The following CNBD1 variants were observed in gnomAD, a reference collection of about 807,000 sequenced individuals.
CNBD1 encodes the protein cyclic nucleotide binding domain containing 1.
Under a neutral mutation model 54.4 loss-of-function variants are expected in CNBD1, and 71 were observed. The observed-to-expected ratio is 1.30, with a 90% CI of 1.08 to 1.59. The LOEUF (loss-of-function observed/expected upper bound fraction) is 1.59. CNBD1 is among the 40% of genes most tolerant of loss of function. The pLI is 0.00. For synonymous variants in CNBD1, 182 were observed against 170.7 expected (o/e 1.07, Z -0.51); for missense variants, 659 against 518.0 (o/e 1.27, Z -2.64).
chr8:87,237,739 G>A (rs1044271664), intron 6 of CNBD1, among the ~76,000 whole-genome samples: 9 of 152,050 alleles, frequency 5.9e-5, no homozygotes, highest in Admixed American at 2.0e-4. Context: ...GTTCAGAGTA[G>A]AAAAGAGTCA....
rs143901253 is a variant in CNBD1, at chr8:87,353,220, ATTTT to A, written c.1153-415_1153-412del. Among the ~76,000 whole-genome samples the A allele has an allele frequency of 4.7e-3, 719 of 152,240 alleles. 7 individuals carry two copies. Among genetic ancestry groups the A allele is most frequent in the Non-Finnish European group, 8.9e-3 (603 of 67,996 alleles). On this transcript the variant is annotated intron_variant, in intron 9 of 10. Coordinates refer to ENST00000518476, the MANE Select transcript of CNBD1 (RefSeq NM_173538.3). ...TAATACCATCGGTTCTGGCCCTGGC[ATTTT>A]CTGCTTATTTTCCTTCTTCCCTGTG...
At chr8:87,324,217 G>A (rs1809611766) in intron 8 of CNBD1, among the ~76,000 whole-genome samples, 1 of 129,212 alleles carries the variant, frequency 7.7e-6, no homozygotes, top group Non-Finnish European at 1.7e-5. Context: ...GTATTTTATT[G>A]AGGATTTTTG....
At chr8:87,336,501 G>A (rs916299511) in intron 8 of CNBD1, among the ~76,000 whole-genome samples, 12 of 151,818 alleles carry the variant, frequency 7.9e-5, no homozygotes, top group Non-Finnish European at 1.0e-4. Context: ...ATTGATCCTT[G>A]TGTATGCTTC....
intron 10 of CNBD1, among the ~76,000 whole-genome samples, chr8:87,374,712 A>T (rs112667966): frequency 1.3e-5 from 2 of 151,818 alleles, no homozygotes; most frequent in African/African-American, 4.8e-5. Flanking sequence ...TTTTTCCATG[A>T]TCTCACTCAC....
chr8:87,362,653 TG>T (rs1163078936), intron 10 of CNBD1, among the ~76,000 whole-genome samples: 1 of 152,058 alleles, frequency 6.6e-6, no homozygotes, highest in Non-Finnish European at 1.5e-5. Flanking sequence ...TGGCAAGTCA[TG>T]GACTGCAGTT....
chr8:87,376,644 T>C (rs1240288306), intron 10 of CNBD1, among the ~76,000 whole-genome samples: 1 of 151,982 alleles, frequency 6.6e-6, no homozygotes, highest in African/African-American at 2.4e-5. Context: ...AAATCTTTAA[T>C]AGCTAAAGCA....
chr8:86,933,958 G>A (rs960220730), intron 3 of CNBD1, among the ~76,000 whole-genome samples: 2 of 152,198 alleles, frequency 1.3e-5, no homozygotes, highest in South Asian at 4.1e-4. Context: ...CAAAATGCAT[G>A]AACAGATTCA....
chr8:87,318,478 C>T (rs1056358225), intron 8 of CNBD1, among the ~76,000 whole-genome samples: 3 of 151,982 alleles, frequency 2.0e-5, no homozygotes, highest in Admixed American at 6.6e-5. Context: ...ATACTCTGTC[C>T]AATACACCAT....
chr8:86,879,095 T>C (rs933309384), intron 1 of CNBD1, among the ~76,000 whole-genome samples: 1 of 152,222 alleles, frequency 6.6e-6, no homozygotes, highest in African/African-American at 2.4e-5. Context: ...AATAACATTT[T>C]TACTTCCACT....
intron 10 of CNBD1, among the ~76,000 whole-genome samples, chr8:87,365,842 C>A (rs778351690): frequency 6.6e-6 from 1 of 152,046 alleles, no homozygotes; most frequent in African/African-American, 2.4e-5. Flanking sequence ...TTACAACTCA[C>A]AGGAAGCATT....
rs35207633 is a variant in CNBD1, at chr8:86,886,076, T to G, written c.89-1466T>G. 4.4e-3 allele frequency among the ~76,000 whole-genome samples: 666 copies of G among 152,272 alleles called. 3 individuals are homozygous for G. The highest frequency in any genetic ancestry group is 0.025 in the East Asian group (130 of 5,178). On this transcript the variant is annotated intron_variant, in intron 1 of 10. Transcript: ENST00000518476. Reference sequence around the variant, plus strand: ...GTCAGAATTCCTTAAACCTTGACCTTTTTCCAAATCTCTGTGGCACCATCT... The same window carrying G: ...GTCAGAATTCCTTAAACCTTGACCTGTTTCCAAATCTCTGTGGCACCATCT...
intron 4 of CNBD1, among the ~76,000 whole-genome samples, chr8:87,077,943 T>A (rs929242174): frequency 6.6e-6 from 1 of 152,126 alleles, no homozygotes; most frequent in Non-Finnish European, 1.5e-5. Context: ...ACTAATGGGA[T>A]CACTGGGTCA....
intron 4 of CNBD1, among the ~76,000 whole-genome samples, chr8:87,066,311 A>G (rs376743556): frequency 1.3e-4 from 20 of 151,966 alleles, no homozygotes; most frequent in African/African-American, 4.8e-4. Context: ...TGAAATCAGA[A>G]TAAGAATTAT....
chr8:86,978,318 A>C (rs1342925119), intron 4 of CNBD1, among the ~76,000 whole-genome samples: 1 of 152,122 alleles, frequency 6.6e-6, no homozygotes, highest in Non-Finnish European at 1.5e-5. Context: ...AGAAAACAAC[A>C]ACAATATTAT....
chr8:87,383,916 T>A (rs898550786), downstream of CNBD1, among the ~76,000 whole-genome samples: 8 of 152,164 alleles, frequency 5.3e-5, no homozygotes, highest in Non-Finnish European at 1.0e-4. Flanking sequence ...ATTTATAAGA[T>A]GTCAGTGATT....
At position 87,328,134 on chromosome 8, in the gene CNBD1, C is replaced by T. The variant is rs191616053; in HGVS notation, c.1043-23551C>T. Among the ~76,000 whole-genome samples, 393 of 152,102 alleles carry T rather than the reference C, an allele frequency of 2.6e-3. 2 individuals carry two copies. Among genetic ancestry groups the T allele is most frequent in the African/African-American group, 8.9e-3 (368 of 41,494 alleles). On this transcript the variant is annotated intron_variant, in intron 8 of 10. Coordinates refer to ENST00000518476, the MANE Select transcript of CNBD1 (RefSeq NM_173538.3). ...TGTTTGTCCTGATGCTCTCCTTCCC[C>T]GTGCCCCCAATCCCCCAACAGGCCC...
chr8:87,191,692 G>C (rs576838706), intron 4 of CNBD1, among the ~76,000 whole-genome samples: 5 of 152,262 alleles, frequency 3.3e-5, no homozygotes, highest in Non-Finnish European at 7.4e-5. Context: ...CTTAGTCATT[G>C]CTGTATGTGC....
chr8:87,117,313 TGC>T (rs1207155489), intron 4 of CNBD1, among the ~76,000 whole-genome samples: 1 of 150,224 alleles, frequency 6.7e-6, no homozygotes, highest in East Asian at 2.0e-4. Flanking sequence ...GGACGAGAAT[TGC>T]TTAAACCCAG....
chr8:86,970,463 A>AT (rs1746706024), intron 4 of CNBD1, among the ~76,000 whole-genome samples: 4 of 151,364 alleles, frequency 2.6e-5, no homozygotes, highest in Admixed American at 2.6e-4. Context: ...CTTTTTTTCA[A>AT]TTTTTATTTT....
Sources: allele counts gnomAD v4.1 joint callset (sites outside exome capture counted in the v4.1 genomes callset), GRCh38; gene constraint gnomAD v4.1.1; transcripts MANE v1.5; gene names NCBI Gene and HGNC (gene_info 2026-07-23, HGNC 2026-07-21).